WDR20: variants seen among roughly 807,000 people sequenced by gnomAD.
WDR20 encodes the protein WD repeat domain 20, also known as WD repeat-containing protein 20.
In WDR20, 3 loss-of-function variants were observed where a neutral mutation model predicts 38.7. The observed-to-expected ratio is 0.08, with a 90% CI of 0.04 to 0.20. The LOEUF is 0.20. WDR20 is among the 10% of genes least tolerant of loss of function. The pLI is 1.00. For missense variants in WDR20, 559 were observed against 727.7 expected (o/e 0.77, Z 2.67); for synonymous variants, 298 against 285.6 (o/e 1.04, Z -0.44).
chr14:102,169,988 C>G (rs1204776130), intron 1 of WDR20, among the ~76,000 whole-genome samples: 1 of 152,182 alleles, frequency 6.6e-6, no homozygotes, highest in Non-Finnish European at 1.5e-5. Context: ...GCCACCCTGT[C>G]CCCCTCCTCT....
chr14:102,151,069 A>G (rs145488224), intron 1 of WDR20, among the ~76,000 whole-genome samples: 386 of 152,202 alleles, frequency 2.5e-3, no homozygotes, highest in Middle Eastern at 6.8e-3. Context: ...AGAACTGAAC[A>G]TTGCCTATTA....
At chr14:102,173,783 G>A (rs951858725) in intron 1 of WDR20, among the ~76,000 whole-genome samples, 9 of 151,968 alleles carry the variant, frequency 5.9e-5, no homozygotes, top group Non-Finnish European at 1.2e-4. Flanking sequence ...GGTGATTCAC[G>A]CCTGTAATCC....
intron 1 of WDR20, among the ~76,000 whole-genome samples, chr14:102,182,803 T>G (rs1423068391): frequency 6.6e-6 from 1 of 152,138 alleles, no homozygotes; most frequent in East Asian, 1.9e-4. Flanking sequence ...TTGGTGAATA[T>G]CTTTTCAAAC....
At position 102,222,926 on chromosome 14, in the gene WDR20, G is replaced by C. The variant is rs371961127; in HGVS notation, c.*43G>C. 1.2e-6 allele frequency: 2 copies of C among 1,612,184 alleles called. No individual in the cohort carries two copies. Among genetic ancestry groups the C allele is most frequent in the Non-Finnish European group, 8.5e-7 (1 of 1,178,692 alleles). On this transcript the variant is annotated 3_prime_UTR_variant, in exon 4 of 4. Coordinates refer to the WDR20 transcript ENST00000335263. This position sits in a 1 kb window ranked among gnomAD's most constrained non-coding sequence, Gnocchi z 4.4. ...GCACAGTCTCCCGGGACTTGGACTC[G>C]AGGGAGTGACGAGGAGGAGCTCCGA...
At chr14:102,224,111 G>A (rs3742433), downstream of WDR20, among the ~76,000 whole-genome samples, 7,800 of 144,864 alleles carry the variant, frequency 0.054, 263 homozygotes, top group African/African-American at 0.11. Context: ...GCGCAATCTC[G>A]GCTCACTGCA....
At chr14:102,203,409 G>C (rs952661660) in intron 2 of WDR20, among the ~76,000 whole-genome samples, 1 of 152,082 alleles carries the variant, frequency 6.6e-6, no homozygotes, top group Non-Finnish European at 1.5e-5. Context: ...CCCTGTGTGT[G>C]TTTACACTGA....
At chr14:102,139,785 G>T, upstream of WDR20, 1 of 1,312,232 alleles carries the variant, frequency 7.6e-7, no homozygotes, top group South Asian at 1.4e-5. Flanking sequence ...CCTTTGGCCC[G>T]CCCTCGCAGG....
chr14:102,164,912 A>G (rs1032148305), intron 1 of WDR20, among the ~76,000 whole-genome samples: 3 of 152,212 alleles, frequency 2.0e-5, no homozygotes, highest in Non-Finnish European at 2.9e-5. Flanking sequence ...AGGAAAAACT[A>G]TTTATTGCAA....
intron 1 of WDR20, among the ~76,000 whole-genome samples, chr14:102,153,376 G>A (rs527586775): frequency 5.7e-4 from 81 of 143,042 alleles, no homozygotes; most frequent in African/African-American, 1.8e-3. Flanking sequence ...GTGTGATCTC[G>A]GCTCACTGCA....
chr14:102,193,135 GT>G (rs537637936), intron 1 of WDR20, among the ~76,000 whole-genome samples: 39 of 137,064 alleles, frequency 2.8e-4, no homozygotes, highest in East Asian at 2.1e-4. Context: ...TTTTTTTTTT[GT>G]TTTTTTTTTT....
Position 102,161,142 on chromosome 14 carries a change from A to ATTTTTTT in WDR20, c.249+20990_249+20996dup, listed in dbSNP as rs1233679287. Among the ~76,000 whole-genome samples, 14 of 16,050 alleles carry ATTTTTTT rather than the reference A, an allele frequency of 8.7e-4. 2 individuals carry two copies. Among genetic ancestry groups the ATTTTTTT allele is most frequent in the African/African-American group, 2.2e-3 (7 of 3,130 alleles). 10.5% of individuals were successfully genotyped at this position (16,050 alleles called of 152,430 possible). Reference sequence around the variant, plus strand: ...ACTGCATATATATATATATATATATATTTTTTTTTTTTTTTTTTTTTTTTT... The same window carrying ATTTTTTT: ...ACTGCATATATATATATATATATATATTTTTTTTTTTTTTTTTTTTTTTTTTTTTTTT... On this transcript the variant is annotated intron_variant, in intron 1 of 2. Coordinates refer to ENST00000342702, the MANE Select transcript of WDR20 (RefSeq NM_144574.4).
chr14:102,177,023 C>T (rs2152856449), intron 1 of WDR20, among the ~76,000 whole-genome samples: 1 of 152,214 alleles, frequency 6.6e-6, no homozygotes, highest in South Asian at 2.1e-4. Flanking sequence ...CCACCGTGCC[C>T]CACCTTGCAG....
chr14:102,176,065 G>T (rs1222077054), intron 1 of WDR20, among the ~76,000 whole-genome samples: 1 of 152,060 alleles, frequency 6.6e-6, no homozygotes, highest in African/African-American at 2.4e-5. Context: ...TTGTCTGATT[G>T]CTCTAGCTAG....
chr14:102,142,230 A>C (rs1434295767), intron 1 of WDR20, among the ~76,000 whole-genome samples: 1 of 152,102 alleles, frequency 6.6e-6, no homozygotes, highest in Non-Finnish European at 1.5e-5. Flanking sequence ...ATACATTTGC[A>C]TTGTGTTGCA....
At chr14:102,169,006 G>A (rs1037553714) in intron 1 of WDR20, among the ~76,000 whole-genome samples, 3 of 152,136 alleles carry the variant, frequency 2.0e-5, no homozygotes, top group Non-Finnish European at 2.9e-5. Context: ...TTTCTATAGC[G>A]CTTAGAATAA....
Position 102,156,167 on chromosome 14 carries a change from A to C in WDR20, c.249+15995A>C, listed in dbSNP as rs79063787. On this transcript the variant is annotated intron_variant, in intron 1 of 2. Coordinates refer to ENST00000342702, the MANE Select transcript of WDR20 (RefSeq NM_144574.4). ...CCATCACTACTTTGAAATTACCATT[A>C]GATCTTTTTTTTTTTTTTGAGACGG... 6.0e-3 allele frequency among the ~76,000 whole-genome samples: 901 copies of C among 150,892 alleles called. 12 individuals carry two copies. Among genetic ancestry groups the C allele is most frequent in the African/African-American group, 0.021 (865 of 41,054 alleles).
chr14:102,200,467 T>TTTTGTGTGTGTGTGTG (rs748066838), intron 2 of WDR20, among the ~76,000 whole-genome samples: 7 of 117,680 alleles, frequency 5.9e-5, no homozygotes, highest in African/African-American at 2.2e-4. Flanking sequence ...ATTTTTTTTT[T>TTTTGTGTGTGTGTGTG]TGTGTGTGTG....
chr14:102,206,188 T>A (rs1346001611), intron 2 of WDR20, among the ~76,000 whole-genome samples: 2 of 152,206 alleles, frequency 1.3e-5, no homozygotes, highest in Non-Finnish European at 2.9e-5. Flanking sequence ...GGTTTCACCA[T>A]GTTGGCCAGG....
rs568080214 is a variant in WDR20 at position 102,165,641 on chromosome 14, T to C, written c.249+25469T>C. On this transcript the variant is annotated intron_variant, in intron 1 of 2. Transcript: ENST00000342702. ...GTTTCTTTTTCTTTTCTTTTCTTTT[T>C]TTTTTTTTTTTTGGAGACAGGGTCT... Among the ~76,000 whole-genome samples the C allele has an allele frequency of 6.7e-3, 985 of 147,320 alleles. 10 individuals carry two copies. The highest frequency in any genetic ancestry group is 0.023 in the African/African-American group (902 of 39,738).
Sources: allele counts gnomAD v4.1 joint callset (sites outside exome capture counted in the v4.1 genomes callset), GRCh38; gene constraint gnomAD v4.1.1; non-coding constraint Gnocchi (gnomAD v3.1); transcripts MANE v1.5; gene names NCBI Gene and HGNC (gene_info 2026-07-23, HGNC 2026-07-21).